Variants in B3GALT1 observed in about 807,000 individuals in gnomAD.
B3GALT1 encodes the protein beta-1,3-galactosyltransferase 1.
Under a neutral mutation model 23.2 loss-of-function variants are expected in B3GALT1, and 10 were observed. That is an observed-to-expected ratio of 0.43 (90% CI 0.27 to 0.73). The LOEUF is 0.73. B3GALT1 is among the 30% of genes least tolerant of loss of function. B3GALT1 has a pLI of 0.21. For missense variants in B3GALT1, 299 were observed against 405.4 expected, an observed-to-expected ratio of 0.74 and a Z score of 2.25; for synonymous variants, 156 against 141.5, an observed-to-expected ratio of 1.10 and a Z score of -0.73.
chr2:167,567,578 C>G (rs1684195067), intron 2 of B3GALT1, among the ~76,000 whole-genome samples: 1 of 151,970 alleles, frequency 6.6e-6, no homozygotes, highest in Non-Finnish European at 1.5e-5. Context: ...AACAACTTTA[C>G]TTTTTTAGAG....
At chr2:167,822,793 A>AAATT (rs1364292539) in intron 4 of B3GALT1, among the ~76,000 whole-genome samples, 1 of 151,970 alleles carries the variant, frequency 6.6e-6, no homozygotes, top group Non-Finnish European at 1.5e-5. Flanking sequence ...TCCACAGTGA[A>AAATT]AATTAAGCTC....
At chr2:167,447,135 C>G (rs1424246180) in intron 1 of B3GALT1, among the ~76,000 whole-genome samples, 1 of 152,242 alleles carries the variant, frequency 6.6e-6, no homozygotes, top group East Asian at 1.9e-4. Context: ...CACTCCAGAC[C>G]CTGTTTGCCT....
At chr2:167,802,047 A>C (rs140096960) in intron 3 of B3GALT1, among the ~76,000 whole-genome samples, 1 of 152,276 alleles carries the variant, frequency 6.6e-6, no homozygotes, top group Non-Finnish European at 1.5e-5. Flanking sequence ...TGGAGGCAGG[A>C]GGCAAGAATC....
chr2:167,333,270 T>C (rs1367389090), intron 1 of B3GALT1, among the ~76,000 whole-genome samples: 1 of 152,204 alleles, frequency 6.6e-6, no homozygotes, highest in Non-Finnish European at 1.5e-5. Context: ...AAAGTAATTA[T>C]GCAGAAAGCC....
At chr2:167,804,229 A>C (rs1335482041) in intron 3 of B3GALT1, among the ~76,000 whole-genome samples, 4 of 152,066 alleles carry the variant, frequency 2.6e-5, no homozygotes, top group African/African-American at 7.2e-5. Flanking sequence ...ACTTCAAGTG[A>C]TCTGCGAGCC....
chr2:167,355,087 A>G (rs1697379843), intron 1 of B3GALT1, among the ~76,000 whole-genome samples: 1 of 152,210 alleles, frequency 6.6e-6, no homozygotes, highest in Admixed American at 6.5e-5. Flanking sequence ...CAGCATGCCT[A>G]ATAGGCTTTA....
chr2:167,730,477 T>C (rs980901933), intron 3 of B3GALT1, among the ~76,000 whole-genome samples: 3 of 152,110 alleles, frequency 2.0e-5, no homozygotes, highest in Non-Finnish European at 4.4e-5. Flanking sequence ...AAACCCATTA[T>C]CTCCTGAGAG....
intron 2 of B3GALT1, among the ~76,000 whole-genome samples, chr2:167,631,769 CTT>C (rs558837779): frequency 0.026 from 3,184 of 120,400 alleles, 56 homozygotes; most frequent in East Asian, 0.094. Context: ...CTTTTCTTTT[CTT>C]TTTTTTTTTT....
chr2:167,329,512 C>T (rs551249858), intron 1 of B3GALT1, among the ~76,000 whole-genome samples: 19 of 152,248 alleles, frequency 1.2e-4, no homozygotes, highest in Admixed American at 9.8e-4. Flanking sequence ...TCTGTTTAAT[C>T]TAAAGTCCAG....
At chr2:167,705,803 C>T (rs1481484453) in intron 3 of B3GALT1, among the ~76,000 whole-genome samples, 1 of 152,206 alleles carries the variant, frequency 6.6e-6, no homozygotes, top group Non-Finnish European at 1.5e-5. Flanking sequence ...AATATGGTAG[C>T]CACTAACCAC....
At chr2:167,575,457 T>C (rs537385076) in intron 2 of B3GALT1, among the ~76,000 whole-genome samples, 2 of 151,792 alleles carry the variant, frequency 1.3e-5, no homozygotes, top group African/African-American at 4.8e-5. Flanking sequence ...TTCATAATAA[T>C]GTTCATCAAG....
intron 3 of B3GALT1, among the ~76,000 whole-genome samples, chr2:167,656,022 C>T (rs1685949977): frequency 6.6e-6 from 1 of 152,114 alleles, no homozygotes; most frequent in South Asian, 2.1e-4. Flanking sequence ...GTCCTCGTCT[C>T]CTGATGACAG....
chr2:167,798,962 C>G (rs1688588223), intron 3 of B3GALT1, among the ~76,000 whole-genome samples: 1 of 152,108 alleles, frequency 6.6e-6, no homozygotes, highest in Non-Finnish European at 1.5e-5. Context: ...CAGTAGATAC[C>G]ACAATATGTG....
intron 3 of B3GALT1, among the ~76,000 whole-genome samples, chr2:167,696,296 CAAAAA>C (rs35575073): frequency 1.9e-4 from 17 of 91,838 alleles, no homozygotes; most frequent in African/African-American, 4.1e-4. Context: ...TGGTAAGAGG[CAAAAA>C]AAAAAAAAAA....
chr2:167,451,524 G>A (rs1008985462), intron 1 of B3GALT1, among the ~76,000 whole-genome samples: 8 of 152,296 alleles, frequency 5.3e-5, no homozygotes, highest in African/African-American at 1.9e-4. Flanking sequence ...GGGGTTGTCT[G>A]CACAGAGTCC....
rs543281672 is a variant in B3GALT1 at position 167,691,011 on chromosome 2, C to T, written c.-352+44045C>T. Among the ~76,000 whole-genome samples the T allele has an allele frequency of 5.9e-5, 9 of 152,022 alleles. No homozygotes were observed. The East Asian group carries it at 1.5e-3, about 26-fold the overall frequency. On this transcript the variant is annotated intron_variant, in intron 3 of 4. Coordinates refer to ENST00000392690, the MANE Select transcript of B3GALT1 (RefSeq NM_020981.4). ...CGGGAAATAACAATAAGAATGCAAA[C>T]AAAAATATCAGTATTTTAATTATTT... is the stretch of plus-strand genomic sequence containing the variant.
In B3GALT1 at chr2:167,623,080, C is replaced by T. The variant is rs142029327; in HGVS notation, c.-409-23829C>T. On this transcript the variant is annotated intron_variant, in intron 2 of 4. Coordinates refer to ENST00000392690, the MANE Select transcript of B3GALT1 (RefSeq NM_020981.4). ...AAAGCCACAATGAGATACCATCTCA[C>T]GCCAGTTAGAATGGCGATCATTGAA... Among the ~76,000 whole-genome samples the T allele has an allele frequency of 4.6e-3, 700 of 152,152 alleles. 5 individuals carry two copies. The highest frequency in any genetic ancestry group is 0.015 in the African/African-American group (642 of 41,540).
Position 167,446,039 on chromosome 2 carries a change from G to A in B3GALT1, c.-510-44138G>A, listed in dbSNP as rs1698983212. 1.3e-5 allele frequency among the ~76,000 whole-genome samples: 2 copies of A among 152,216 alleles called. 1 individual carries two copies. Among genetic ancestry groups the A allele is most frequent in the South Asian group, 4.1e-4 (2 of 4,832 alleles). On this transcript the variant is annotated intron_variant, in intron 1 of 4. Transcript: ENST00000392690. ...TCCATGTTTAGTGCTTCCTTCAGGA[G>A]CTCTTCTAAGGCAGACCTGGTGGTG...
chr2:167,326,112 A>G (rs1696888892), intron 1 of B3GALT1, among the ~76,000 whole-genome samples: 1 of 151,534 alleles, frequency 6.6e-6, no homozygotes, highest in African/African-American at 2.4e-5. Flanking sequence ...TCTTTTTAGT[A>G]ATCACCATTC....
Sources: allele counts gnomAD v4.1 joint callset (sites outside exome capture counted in the v4.1 genomes callset), GRCh38; gene constraint gnomAD v4.1.1; transcripts MANE v1.5; gene names NCBI Gene and HGNC (gene_info 2026-07-23, HGNC 2026-07-21).